TEX14: variants seen among roughly 807,000 people sequenced by gnomAD.
The protein encoded by TEX14 is inactive serine/threonine-protein kinase TEX14.
A neutral mutation model predicts 178.6 loss-of-function variants in TEX14; 168 were observed. That is an observed-to-expected ratio of 0.94 (90% CI 0.83 to 1.07). The LOEUF (loss-of-function observed/expected upper bound fraction) is 1.07. TEX14 is among the 50% of genes least tolerant of loss of function. TEX14 has a pLI of 0.00. For synonymous variants in TEX14, 626 were observed against 634.1 expected (o/e 0.99, Z 0.19); for missense variants, 1,730 against 1,753.6 (o/e 0.99, Z 0.24).
At chr17:58,602,698 CTTTATT>C in intron 11 of TEX14, 108 bp from the exon 12 acceptor site, 1 of 766,708 alleles carries the variant, frequency 1.3e-6, no homozygotes, top group Non-Finnish European at 2.0e-6. Context: ...CACTTAACTT[CTTTATT>C]TTTTTTTCTA....
intron 13 of TEX14, among the ~76,000 whole-genome samples, chr17:58,601,213 T>A (rs563091750): frequency 1.3e-5 from 2 of 151,388 alleles, no homozygotes; most frequent in Non-Finnish European, 2.9e-5. Context: ...TCGTGAGACC[T>A]TGTCTCTACT....
At chr17:58,668,834 C>T in intron 1 of TEX14, among the ~76,000 whole-genome samples, 1 of 152,168 alleles carries the variant, frequency 6.6e-6, no homozygotes, top group East Asian at 1.9e-4. Context: ...TAACATCCTA[C>T]CCAAAGGCCC....
intron 1 of TEX14, among the ~76,000 whole-genome samples, chr17:58,656,706 A>T (rs2046971400): frequency 1.3e-5 from 2 of 150,738 alleles, no homozygotes; most frequent in South Asian, 4.2e-4. Context: ...GTGAGCCAAG[A>T]TCGCACCACT....
rs56315337 is a variant in TEX14 at position 58,584,503 on chromosome 17, G to C, written c.3168C>G (p.Tyr1056Ter). The C allele has an allele frequency of 2.5e-6, 4 of 1,611,950 alleles. No homozygotes were observed. The highest frequency in any genetic ancestry group is 2.5e-6 in the Non-Finnish European group (3 of 1,178,094). The change falls in exon 19 of 32, where the codon TAC (tyrosine) becomes TAG (stop). Residue 1056 changes from tyrosine (Y) to a stop codon, truncating the protein, a stop_gained. Transcript: ENST00000349033. LOFTEE classifies it high-confidence loss of function. ...CTTTCCAGGCAGTATTACTTACACT[G>C]TAAGATTTCTCTACAGCCACCAATG... ...SDTLVAVEKS[Y>*]STSSPIEEDF...
chr17:58,614,156 T>G (rs1287486848), intron 8 of TEX14, among the ~76,000 whole-genome samples: 1 of 152,162 alleles, frequency 6.6e-6, no homozygotes, highest in African/African-American at 2.4e-5. Flanking sequence ...GCAAGAAATG[T>G]ATCATTATAC....
chr17:58,676,945 C>T lies in TEX14; in HGVS notation c.-2+14994G>A, dbSNP rs578054525. ...CAGTCTGGCCAGCATGGCGAAACCC[C>T]GTCTCTACTAAAAAATACAAAAAAG... On this transcript the variant is annotated intron_variant, in intron 1 of 31. Transcript: ENST00000349033. Among the ~76,000 whole-genome samples, 26 of 152,110 alleles carry T rather than the reference C, an allele frequency of 1.7e-4. No individual in the cohort carries two copies. In the South Asian group the frequency reaches 3.5e-3, roughly 21 times the overall value.
chr17:58,658,387 C>CTTTT (rs34857563), intron 1 of TEX14, among the ~76,000 whole-genome samples: 8 of 95,028 alleles, frequency 8.4e-5, no homozygotes, highest in African/African-American at 1.3e-4. Flanking sequence ...TGTGCACCGG[C>CTTTT]TTTTTTTTTT....
chr17:58,608,323 A>C (rs1455601629), intron 10 of TEX14, among the ~76,000 whole-genome samples: 1 of 151,968 alleles, frequency 6.6e-6, no homozygotes, highest in Non-Finnish European at 1.5e-5. Flanking sequence ...AGGCTGAGGC[A>C]GGAGAATGGC....
chr17:58,602,981 G>A (rs554192204), intron 11 of TEX14, among the ~76,000 whole-genome samples: 20 of 151,572 alleles, frequency 1.3e-4, no homozygotes, highest in African/African-American at 4.4e-4. Context: ...CAGGAGAATC[G>A]CTTGAACCCG....
rs149314966 is a variant in TEX14 at position 58,600,525 on chromosome 17, C to A, written c.1679-859G>T. On this transcript the variant is annotated intron_variant, in intron 13 of 31. Coordinates refer to ENST00000349033, the MANE Select transcript of TEX14 (RefSeq NM_031272.5). ...GCAGTAAACCGAGATTGCGCCATTGCACTCCAGTCTGGGCAAAAAGAGTGA... is the reference window on the plus strand; with the variant it reads ...GCAGTAAACCGAGATTGCGCCATTGAACTCCAGTCTGGGCAAAAAGAGTGA... Among the ~76,000 whole-genome samples, 63 of 149,602 alleles carry A rather than the reference C, an allele frequency of 4.2e-4. 4 individuals carry two copies. The highest frequency in any genetic ancestry group is 2.9e-3 in the East Asian group (15 of 5,100).
chr17:58,602,349 T>G, intron 12 of TEX14, 51 bp downstream of exon 12: 1 of 1,511,554 alleles, frequency 6.6e-7, no homozygotes, highest in Non-Finnish European at 9.0e-7. Context: ...AACTCCCTAT[T>G]CTCCTGAGTT....
chr17:58,668,707 C>T (rs1399267021), intron 1 of TEX14, among the ~76,000 whole-genome samples: 2 of 152,110 alleles, frequency 1.3e-5, no homozygotes, highest in Non-Finnish European at 2.9e-5. Context: ...TATTTTTATG[C>T]ACACACAGAC....
chr17:58,679,650 C>T (rs1398030490), intron 1 of TEX14: 4 of 152,178 alleles, frequency 2.6e-5, no homozygotes, highest in African/African-American at 7.2e-5. Context: ...CTGAAAAATC[C>T]ACCTTTAATG....
intron 5 of TEX14, among the ~76,000 whole-genome samples, chr17:58,619,849 C>T (rs2144541930): frequency 6.7e-6 from 1 of 149,840 alleles, no homozygotes; most frequent in South Asian, 2.1e-4. Flanking sequence ...TCCATGTAAG[C>T]ATTCCATTAA....
intron 1 of TEX14, among the ~76,000 whole-genome samples, chr17:58,672,142 C>A (rs535343919): frequency 2.0e-5 from 3 of 152,114 alleles, no homozygotes; most frequent in Non-Finnish European, 4.4e-5. Flanking sequence ...ATAGGTTTCA[C>A]GCTCCTATGA....
chr17:58,619,593 A>T (rs1327419012), intron 5 of TEX14, among the ~76,000 whole-genome samples: 1 of 152,040 alleles, frequency 6.6e-6, no homozygotes, highest in African/African-American at 2.4e-5. Flanking sequence ...GGATCACCTG[A>T]GGTCAGGAAT....
In TEX14 at chr17:58,571,959, T is replaced by C. The variant is rs1346407526; in HGVS notation, c.3679A>G (p.Thr1227Ala). ...ERAKKLDSLL[T>A]SSETPPSRLT... is the part of the protein sequence containing the mutation. ...CTTGAAGGGGGAGTTTCAGAGGAAG[T>C]AAGGAGAGAATCCAGTTTCTTTGCT... The change falls in exon 24 of 32, where the codon ACT becomes GCT. Residue 1227 changes from threonine to alanine, a missense_variant. Physicochemically the swap from Thr to Ala is moderately conservative, Grantham distance 58. Coordinates refer to ENST00000349033, the MANE Select transcript of TEX14 (RefSeq NM_031272.5). The C allele has an allele frequency of 6.2e-7, 1 of 1,614,130 alleles. No individual in the cohort carries two copies. Among genetic ancestry groups the C allele is most frequent in the Non-Finnish European group, 8.5e-7 (1 of 1,180,008 alleles).
At position 58,692,022 on chromosome 17, in the gene TEX14, A is replaced by G. The variant is rs2047743390; in HGVS notation, c.-85T>C. On this transcript the variant is annotated 5_prime_UTR_variant, in exon 1 of 32. Transcript: ENST00000349033. The stretch of plus-strand genomic sequence containing the variant: ...CCATGCTCGGGATACGACTCCCGGG[A>G]AGACGTGGGTGGGTGCGGGGAATGC... 1 of 151,760 alleles carries G rather than the reference A, an allele frequency of 6.6e-6. No homozygotes were observed. The highest frequency in any genetic ancestry group is 1.5e-5 in the Non-Finnish European group (1 of 68,814). The allele number at this position is 151,760 out of a possible 1,614,324, so 9.4% of individuals were successfully genotyped here.
At chr17:58,613,761 G>A (rs1051521325) in intron 8 of TEX14, among the ~76,000 whole-genome samples, 4 of 152,080 alleles carry the variant, frequency 2.6e-5, no homozygotes, top group African/African-American at 9.7e-5. Flanking sequence ...CCGCCTCCTG[G>A]GTTGAAGCGA....
Sources: gnomAD v4.1 joint callset for allele counts (sites outside exome capture counted in the v4.1 genomes callset) on GRCh38, gnomAD v4.1.1 for gene constraint, MANE v1.5 for transcripts, NCBI Gene and HGNC (gene_info 2026-07-23, HGNC 2026-07-21) for gene names.